The following CRLF2 variants were observed in gnomAD, a reference collection of about 807,000 sequenced individuals.
CRLF2 encodes cytokine receptor-like factor 2.
A neutral mutation model predicts 38.7 loss-of-function variants in CRLF2; 41 were observed. The ratio of observed to expected loss-of-function variants is 1.06; its 90% CI spans 0.83 to 1.37. The LOEUF is 1.37. CRLF2 is among the 40% of genes most tolerant of loss of function. CRLF2 has a pLI of 0.00. For synonymous variants in CRLF2, 140 were observed against 128.8 expected, an observed-to-expected ratio of 1.09 and a Z score of -0.59; for missense variants, 377 against 322.2, an observed-to-expected ratio of 1.17 and a Z score of -1.30.
intron 4 of CRLF2, chrX:1,199,288 T>G (rs1469559250): frequency 6.6e-6 from 1 of 151,822 alleles, no homozygotes; most frequent in Non-Finnish European, 1.5e-5. Flanking sequence ...GTATTTACTT[T>G]ATTATTATTT....
intron 4 of CRLF2, among the ~76,000 whole-genome samples, chrX:1,199,955 A>C (rs2086570301): frequency 7.4e-6 from 1 of 134,748 alleles, no homozygotes. Context: ...ATGTGTATAT[A>C]TAAGCTGTGT....
At chrX:1,207,509 C>T (rs755589466) in intron 2 of CRLF2, among the ~76,000 whole-genome samples, 1 of 123,046 alleles carries the variant, frequency 8.1e-6, no homozygotes, top group Admixed American at 8.3e-5. Context: ...CCACCCCCCC[C>T]CCCCTCAGCC....
chrX:1,211,859 G>A (rs112705554), intron 1 of CRLF2, among the ~76,000 whole-genome samples: 3 of 77,210 alleles, frequency 3.9e-5, no homozygotes, highest in African/African-American at 7.6e-5. Flanking sequence ...ATGCATGGAT[G>A]GATGGATGTA....
chrX:1,206,559 G>A lies in CRLF2; in HGVS notation c.223C>T (p.Leu75Phe), dbSNP rs1417565452. Reference protein sequence around the residue: ...DEAYDQCTNYLLQEGHTSGCL... With the variant: ...DEAYDQCTNYFLQEGHTSGCL... ...CCCGAAGTGTGACCTTCCTGGAGAA[G>A]GTAGTTGGTGCACTGGTCATAGGCC... The change falls in exon 3 of 8, where the codon CTT (leucine) becomes TTT (phenylalanine). Residue 75 changes from leucine to phenylalanine, a missense_variant. By Grantham distance (22) the Leu-to-Phe change is conservative (BLOSUM62 0). Transcript: ENST00000400841. 2 of 1,613,548 alleles carry A rather than the reference G, an allele frequency of 1.2e-6. No individual in the cohort carries two copies. The highest frequency in any genetic ancestry group is 1.7e-6 in the Non-Finnish European group (2 of 1,179,642).
At chrX:1,196,719 T>G in intron 6 of CRLF2, 61 bp downstream of exon 6, 1 of 1,581,640 alleles carries the variant, frequency 6.3e-7, no homozygotes, top group South Asian at 1.1e-5. Context: ...TCTTTTTTCG[T>G]ACTTCACAGA....
intron 5 of CRLF2, among the ~76,000 whole-genome samples, chrX:1,197,684 C>A (rs1320794846): frequency 6.6e-6 from 1 of 151,724 alleles, no homozygotes; most frequent in Non-Finnish European, 1.5e-5. Flanking sequence ...CTTGGTGGTG[C>A]GTGCCTGTAG....
intron 3 of CRLF2, among the ~76,000 whole-genome samples, chrX:1,203,247 G>T (rs2086639986): frequency 6.6e-6 from 1 of 151,944 alleles, no homozygotes. Flanking sequence ...AGGAGGAGAT[G>T]CAGACACAGA....
At chrX:1,195,191 T>C (rs2086455217) in intron 6 of CRLF2, among the ~76,000 whole-genome samples, 2 of 149,748 alleles carry the variant, frequency 1.3e-5, no homozygotes, top group Non-Finnish European at 3.0e-5. Context: ...AGATTCCGTC[T>C]CAAAATAAAT....
chrX:1,192,411 G>C (rs1469227109), intron 7 of CRLF2, among the ~76,000 whole-genome samples: 129 of 151,172 alleles, frequency 8.5e-4, no homozygotes, highest in Non-Finnish European at 1.7e-3. Flanking sequence ...ACTTGAGTTT[G>C]AGACCAGCCT....
chrX:1,192,692 T>TTTTTC (rs1186342664), intron 7 of CRLF2, among the ~76,000 whole-genome samples: 45 of 150,112 alleles, frequency 3.0e-4, no homozygotes, highest in East Asian at 7.9e-4. Context: ...TTTCTCTTTC[T>TTTTTC]TTTTCTTTTC....
chrX:1,191,313 C>CTTTCT, intron 7 of CRLF2, among the ~76,000 whole-genome samples, 153 bp from the exon 8 acceptor site: 1 of 112,138 alleles, frequency 8.9e-6, no homozygotes, highest in Non-Finnish European at 1.8e-5. Context: ...TTCTTTCTTT[C>CTTTCT]TTTCTTTCTT....
intron 1 of CRLF2, among the ~76,000 whole-genome samples, chrX:1,211,109 ATGGG>A (rs1467367688): frequency 6.6e-6 from 1 of 150,390 alleles, no homozygotes. Context: ...GGATGAAAGG[ATGGG>A]TGGGTGGATG....
At position 1,198,676 on chromosome X, in the gene CRLF2, C is replaced by T. The variant is rs199794164; in HGVS notation, c.532G>A (p.Glu178Lys). 1.4e-4 allele frequency: 232 copies of T among 1,613,254 alleles called. No individual in the cohort carries two copies. The African/African-American group carries it at 1.6e-3, about 11-fold the overall frequency. ...CTGACCCAGAAAGAGTAACACTTCT[C>T]GGCATCCAAGCCTTCTATGGTGACG... ...CNVTIEGLDA[E>K]KCYSFWVRVK... The change falls in exon 5 of 8, where the codon GAG becomes AAG. Residue 178 changes from glutamate (E) to lysine (K), a missense_variant. By Grantham distance (56) the Glu-to-Lys change is moderately conservative. Transcript: ENST00000400841.
chrX:1,193,278 G>T lies in CRLF2; in HGVS notation c.792C>A (p.Ser264Arg). Residue 264 changes from serine to arginine, a missense_variant, in exon 7 of 8, where the codon AGC becomes AGA. Physicochemically the swap from Ser to Arg is moderately radical, Grantham distance 110. Transcript: ENST00000400841. ...LWRVKKFLIP[S>R]VPDPKSIFPG... The stretch of plus-strand genomic sequence containing the variant: ...GGAAGATGGATTTCGGGTCTGGCAC[G>T]CTGGGAATGAGAAACTTCTTCACTC... 1 of 398,574 alleles carries T rather than the reference G, an allele frequency of 2.5e-6. No homozygotes were observed. The highest frequency in any genetic ancestry group is 3.6e-5 in the East Asian group (1 of 28,042). The allele number at this position is 398,574 out of a possible 1,614,324, so 24.7% of individuals were successfully genotyped here.
At chrX:1,192,708 T>TTTTCTTTCTTTCTTTCTTTCTTTC (rs1165440754) in intron 7 of CRLF2, among the ~76,000 whole-genome samples, 12 of 110,012 alleles carry the variant, frequency 1.1e-4, no homozygotes, top group Admixed American at 7.5e-4. Context: ...TTTTCTTTTC[T>TTTTCTTTCTTTCTTTCTTTCTTTC]TTTCTTTCTT....
At chrX:1,204,197 G>GA (rs1481810318) in intron 3 of CRLF2, among the ~76,000 whole-genome samples, 2 of 50,220 alleles carry the variant, frequency 4.0e-5, no homozygotes. Flanking sequence ...GGGCACCAGA[G>GA]AGCATCTCTA....
intron 4 of CRLF2, 96 bp downstream of exon 4, chrX:1,202,306 A>C: frequency 7.0e-7 from 1 of 1,423,200 alleles, no homozygotes; most frequent in East Asian, 2.3e-5. Context: ...AGGTGTAGAC[A>C]GAGGGGAGCG....
intron 4 of CRLF2, among the ~76,000 whole-genome samples, chrX:1,201,262 G>A (rs2086599094): frequency 6.6e-6 from 1 of 150,932 alleles, no homozygotes; most frequent in African/African-American, 2.5e-5. Context: ...GGCAGCACAT[G>A]ACTGTGTGTG....
intron 4 of CRLF2, among the ~76,000 whole-genome samples, chrX:1,201,524 G>GAC (rs2086606593): frequency 6.7e-6 from 1 of 150,202 alleles, no homozygotes; most frequent in Non-Finnish European, 1.5e-5. Context: ...AGCGATGAGA[G>GAC]AGAGATAGAT....
Sources: allele counts gnomAD v4.1 joint callset (sites outside exome capture counted in the v4.1 genomes callset), GRCh38; gene constraint gnomAD v4.1.1; transcripts MANE v1.5; gene names NCBI Gene and HGNC (gene_info 2026-07-23, HGNC 2026-07-21).